The following TMEM108 variants were observed in gnomAD, a reference collection of about 807,000 sequenced individuals.
TMEM108 encodes transmembrane protein 108, also known as cancer/testis antigen 124.
A neutral mutation model predicts 35.1 loss-of-function variants in TMEM108; 12 were observed. The observed-to-expected ratio is 0.34, with a 90% CI of 0.22 to 0.55. TMEM108 has a LOEUF of 0.55. Ranked by LOEUF, TMEM108 falls within the 20% of genes least tolerant of loss-of-function variation. The probability of loss-of-function intolerance (pLI) is 0.89; values close to 1 mark genes in which losing one functional copy is unlikely to be tolerated. For synonymous variants in TMEM108, 287 were observed against 308.6 expected (o/e 0.93, Z 0.73); for missense variants, 680 against 753.3 (o/e 0.90, Z 1.14).
intron 3 of TMEM108, among the ~76,000 whole-genome samples, chr3:133,301,316 T>C (rs771377623): frequency 1.3e-5 from 2 of 152,126 alleles, no homozygotes; most frequent in Non-Finnish European, 2.9e-5. Context: ...AAAGAATAAC[T>C]CCAAGAAGTG....
intron 2 of TMEM108, among the ~76,000 whole-genome samples, chr3:133,121,688 G>A (rs887777234): frequency 2.6e-5 from 4 of 152,184 alleles, no homozygotes; most frequent in Admixed American, 2.6e-4. Context: ...CAGTCATTAT[G>A]TCTGGCTTTC....
intron 3 of TMEM108, among the ~76,000 whole-genome samples, chr3:133,252,194 AG>A (rs1016503279): frequency 6.6e-6 from 1 of 152,180 alleles, no homozygotes; most frequent in Non-Finnish European, 1.5e-5. Context: ...TGAAAGAGAA[AG>A]AAAAACATGA....
chr3:133,209,431 A>G (rs1945804748), intron 2 of TMEM108, among the ~76,000 whole-genome samples: 1 of 152,086 alleles, frequency 6.6e-6, no homozygotes, highest in African/African-American at 2.4e-5. Flanking sequence ...CTGTCTATAG[A>G]GTGGTTTTTG....
At chr3:133,255,507 A>G (rs1946532978) in intron 3 of TMEM108, among the ~76,000 whole-genome samples, 1 of 152,252 alleles carries the variant, frequency 6.6e-6, no homozygotes, top group African/African-American at 2.4e-5. Context: ...AGAAAGTAAA[A>G]AAATGAGAAA....
chr3:133,234,028 GA>G (rs1207661644), intron 3 of TMEM108, among the ~76,000 whole-genome samples: 2 of 151,942 alleles, frequency 1.3e-5, no homozygotes, highest in Non-Finnish European at 2.9e-5. Context: ...TTGCTGTGCA[GA>G]AGCTCTTTAG....
At chr3:133,319,400 G>A (rs1009607966) in intron 3 of TMEM108, among the ~76,000 whole-genome samples, 6 of 152,100 alleles carry the variant, frequency 3.9e-5, no homozygotes, top group African/African-American at 1.4e-4. Flanking sequence ...TTGAAAGCAC[G>A]ACCTCCTGGC....
intron 3 of TMEM108, among the ~76,000 whole-genome samples, chr3:133,256,683 G>A (rs1946551450): frequency 6.6e-6 from 1 of 152,040 alleles, no homozygotes; most frequent in African/African-American, 2.4e-5. Flanking sequence ...TTCCAAACCA[G>A]TAAAACAGAA....
chr3:133,252,915 T>C (rs1946491847), intron 3 of TMEM108, among the ~76,000 whole-genome samples: 1 of 152,212 alleles, frequency 6.6e-6, no homozygotes. Flanking sequence ...CCCAATTTTA[T>C]ATAAAAGACT....
At chr3:133,152,105 CA>C (rs1380816288) in intron 2 of TMEM108, among the ~76,000 whole-genome samples, 3 of 152,142 alleles carry the variant, frequency 2.0e-5, no homozygotes, top group Non-Finnish European at 2.9e-5. Context: ...TGAGTGCTTC[CA>C]AAATGCCAGT....
chr3:133,172,479 AT>A (rs957099052), intron 2 of TMEM108, among the ~76,000 whole-genome samples: 35 of 152,166 alleles, frequency 2.3e-4, no homozygotes, highest in African/African-American at 7.2e-4. Context: ...CCTGAAATAG[AT>A]TTTTTAAATT....
intron 3 of TMEM108, among the ~76,000 whole-genome samples, chr3:133,301,761 TC>T (rs1947228490): frequency 6.6e-6 from 1 of 152,182 alleles, no homozygotes; most frequent in Non-Finnish European, 1.5e-5. Flanking sequence ...TTGAATTTCA[TC>T]CCATATTCCT....
intron 2 of TMEM108, among the ~76,000 whole-genome samples, chr3:133,080,278 A>C (rs1943792824): frequency 1.3e-5 from 2 of 152,150 alleles, no homozygotes; most frequent in Admixed American, 1.3e-4. Context: ...AGAGGGTATA[A>C]ATAGGAATAA....
At position 133,379,930 on chromosome 3, in the gene TMEM108, C is replaced by A. The variant is rs1187449959; in HGVS notation, c.219C>A (p.Pro73=). The change falls in exon 4 of 6, where the codon CCC becomes CCA. Residue 73 remains proline, a synonymous_variant. Transcript: ENST00000321871. ...TGCTGACCCCCAATCCCGATGGACC[C>A]CCCTCACAGGCTGCAGCTCCCATGG... is the stretch of plus-strand genomic sequence containing the variant. ...VVMLTPNPDG[P]PSQAAAPMAT... The A allele has an allele frequency of 6.2e-7, 1 of 1,613,832 alleles. No individual in the cohort carries two copies.
chr3:133,196,166 T>G (rs1945573697), intron 2 of TMEM108, among the ~76,000 whole-genome samples: 1 of 152,204 alleles, frequency 6.6e-6, no homozygotes, highest in Admixed American at 6.5e-5. Context: ...GACCACTGTG[T>G]TCTAATTGGA....
chr3:133,111,194 A>T (rs1165989359), intron 2 of TMEM108, among the ~76,000 whole-genome samples: 1 of 152,102 alleles, frequency 6.6e-6, no homozygotes, highest in Non-Finnish European at 1.5e-5. Flanking sequence ...GGCAGAATTT[A>T]TGTCTCCTAT....
At chr3:133,139,079 A>C (rs1944605233) in intron 2 of TMEM108, among the ~76,000 whole-genome samples, 1 of 152,170 alleles carries the variant, frequency 6.6e-6, no homozygotes, top group Admixed American at 6.5e-5. Context: ...ATGTCCCTGC[A>C]AAGGACATGA....
At chr3:133,280,860 T>G (rs78366733) in intron 3 of TMEM108, among the ~76,000 whole-genome samples, 39 of 152,300 alleles carry the variant, frequency 2.6e-4, no homozygotes, top group Non-Finnish European at 4.4e-4. Flanking sequence ...TTTCACATGG[T>G]ACAGCAGGCT....
chr3:133,297,334 G>A (rs964176316), intron 3 of TMEM108, among the ~76,000 whole-genome samples: 1 of 151,864 alleles, frequency 6.6e-6, no homozygotes, highest in East Asian at 1.9e-4. Context: ...TTTCATTTTT[G>A]TAGTTAAAAT....
chr3:133,139,534 T>C (rs1422330850), intron 2 of TMEM108, among the ~76,000 whole-genome samples: 1 of 152,250 alleles, frequency 6.6e-6, no homozygotes, highest in Non-Finnish European at 1.5e-5. Flanking sequence ...TATCATTTGA[T>C]GTACTAGACA....
Sources: allele counts gnomAD v4.1 joint callset (sites outside exome capture counted in the v4.1 genomes callset), GRCh38; gene constraint gnomAD v4.1.1; transcripts MANE v1.5; gene names NCBI Gene and HGNC (gene_info 2026-07-23, HGNC 2026-07-21).